CST7: variants seen among roughly 807,000 people sequenced by gnomAD.
The protein encoded by CST7 is cystatin F.
A neutral mutation model predicts 13.1 loss-of-function variants in CST7; 15 were observed. That is an observed-to-expected ratio of 1.14 (90% CI 0.77 to 1.76). The LOEUF is 1.76. Among genes scored for constraint, CST7 ranks in the 40% most tolerant of loss-of-function variants. The pLI is 0.00. For missense variants in CST7, 193 were observed against 178.8 expected, an observed-to-expected ratio of 1.08 and a Z score of -0.45; for synonymous variants, 75 against 66.9, an observed-to-expected ratio of 1.12 and a Z score of -0.59.
chr20:24,959,328 C>G (rs2087880534), intron 3 of CST7, among the ~76,000 whole-genome samples: 1 of 151,542 alleles, frequency 6.6e-6, no homozygotes, highest in Non-Finnish European at 1.5e-5. Context: ...GTAAGAAAAG[C>G]TTTCAAACAA....
rs370154317 is a variant in CST7, at chr20:24,957,470, G to C, written c.243+11G>C. ...AGGGCCCTAGTTCAGGTAACGGTCT[G>C]GGTTCTGGTCACATATCACGGACAC... On this transcript the variant is annotated intron_variant, in intron 2 of 3. Transcript: ENST00000480798. 4.1e-5 allele frequency: 66 copies of C among 1,612,542 alleles called. No individual in the cohort carries two copies. In the African/African-American group the frequency reaches 7.7e-4, roughly 19 times the overall value.
chr20:24,958,881 C>A, intron 2 of CST7, 47 bp from the exon 3 acceptor site: 2 of 1,396,356 alleles, frequency 1.4e-6, no homozygotes, highest in Non-Finnish European at 2.0e-6. Flanking sequence ...GAGAAGCCTG[C>A]CCTCCCTCCC....
At chr20:24,958,297 C>A (rs80115564) in intron 2 of CST7, among the ~76,000 whole-genome samples, 15,196 of 152,216 alleles carry the variant, frequency 0.1, 823 homozygotes, top group Middle Eastern at 0.2. Context: ...TGCAGGCCCT[C>A]CCTCCTTCTC....
At position 24,957,302 on chromosome 20, in the gene CST7, A is replaced by C. The variant is rs1172443798; in HGVS notation, c.86A>C (p.Asp29Ala). Residue 29 changes from aspartate (D) to alanine (A), a missense_variant, in exon 2 of 4, where the codon GAC (aspartate) becomes GCC (alanine). Asp to Ala is a moderately radical substitution (Grantham distance 126). Coordinates refer to ENST00000480798, the MANE Select transcript of CST7 (RefSeq NM_003650.4). ...GGPSPDTCSQ[D>A]LNSRVKPGFP... ...TCTCTTTCAGATACTTGTTCCCAGG[A>C]CCTTAACTCACGTGTGAAGCCAGGA... The C allele has an allele frequency of 6.2e-7, 1 of 1,613,208 alleles. No homozygotes were observed. Among genetic ancestry groups the C allele is most frequent in the Admixed American group, 1.7e-5 (1 of 59,914 alleles).
intron 2 of CST7, among the ~76,000 whole-genome samples, chr20:24,958,449 T>C (rs1371279580): frequency 1.3e-5 from 2 of 152,214 alleles, no homozygotes; most frequent in African/African-American, 2.4e-5. Context: ...GGAATTTTTC[T>C]TCAACTCCTC....
intron 3 of CST7, 31 bp downstream of exon 3, chr20:24,959,075 C>G: frequency 1.3e-6 from 2 of 1,487,432 alleles, no homozygotes; most frequent in Non-Finnish European, 9.4e-7. Flanking sequence ...CTCAGATGTG[C>G]CCTCTCTTCC....
chr20:24,954,236 C>T (rs1295395133), intron 1 of CST7, among the ~76,000 whole-genome samples: 1 of 152,236 alleles, frequency 6.6e-6, no homozygotes, highest in Non-Finnish European at 1.5e-5. Context: ...ACTCCAAGCT[C>T]TTGGTCTCCT....
chr20:24,952,773 C>T (rs1013775297), intron 1 of CST7, among the ~76,000 whole-genome samples: 6 of 152,240 alleles, frequency 3.9e-5, no homozygotes, highest in South Asian at 2.1e-4. Flanking sequence ...GCGTCCAGCT[C>T]TCGGCACCCA....
At chr20:24,953,637 C>T (rs752688792) in intron 1 of CST7, among the ~76,000 whole-genome samples, 4 of 152,130 alleles carry the variant, frequency 2.6e-5, no homozygotes, top group East Asian at 3.9e-4. Context: ...CCAGCTTCTA[C>T]GTCTGGAAGC....
At chr20:24,954,784 C>A (rs371245813) in intron 1 of CST7, among the ~76,000 whole-genome samples, 1 of 152,092 alleles carries the variant, frequency 6.6e-6, no homozygotes, top group Non-Finnish European at 1.5e-5. Context: ...TGAAGTTCAG[C>A]GTAAACTGAG....
In CST7 at chr20:24,955,543, G is replaced by A. The variant is rs775796156; in HGVS notation, c.71-1744G>A. ...CGGCTCACTGCAAGCTCCGCCTCCC[G>A]GGTTCACGCCATTCTCCTGCCTCAT... On this transcript the variant is annotated intron_variant, in intron 1 of 3. Coordinates refer to ENST00000480798, the MANE Select transcript of CST7 (RefSeq NM_003650.4). Among the ~76,000 whole-genome samples the A allele has an allele frequency of 2.0e-5, 3 of 149,398 alleles. No individual in the cohort carries two copies. In the Admixed American group the frequency reaches 2.0e-4, roughly 10 times the overall value.
intron 3 of CST7, 149 bp from the exon 4 acceptor site, chr20:24,959,486 G>T: frequency 1.5e-6 from 1 of 662,652 alleles, no homozygotes; most frequent in Non-Finnish European, 2.6e-6. Context: ...TTCTTAAATC[G>T]TTCTTTCAAG....
chr20:24,957,222 C>A, intron 1 of CST7, 65 bp from the exon 2 acceptor site: 2 of 1,519,430 alleles, frequency 1.3e-6, no homozygotes, highest in South Asian at 1.2e-5. Context: ...AGGCATGAGG[C>A]GTGACACCTG....
At chr20:24,956,456 A>G (rs974823711) in intron 1 of CST7, among the ~76,000 whole-genome samples, 2 of 152,204 alleles carry the variant, frequency 1.3e-5, no homozygotes, top group Non-Finnish European at 2.9e-5. Context: ...CCTCAGGCAC[A>G]GATACTAGGG....
chr20:24,955,568 T>G (rs1171432414), intron 1 of CST7, among the ~76,000 whole-genome samples: 1 of 150,154 alleles, frequency 6.7e-6, no homozygotes, highest in African/African-American at 2.4e-5. Context: ...TCCTGCCTCA[T>G]CCTCCCGAGT....
In CST7 at chr20:24,949,451, G is replaced by A. The variant is rs1251298790; in HGVS notation, c.-55G>A. 1 of 1,613,564 alleles carries A rather than the reference G, an allele frequency of 6.2e-7. No homozygotes were observed. Among genetic ancestry groups the A allele is most frequent in the African/African-American group, 1.3e-5 (1 of 74,928 alleles). On this transcript the variant is annotated 5_prime_UTR_variant, in exon 1 of 4. Coordinates refer to ENST00000480798, the MANE Select transcript of CST7 (RefSeq NM_003650.4). Reference sequence around the variant, plus strand: ...CCTCCAACTGCCCCATGCTGCCTGAGAAGGCACTGCACGGCCACCCCCAAC... The same window carrying A: ...CCTCCAACTGCCCCATGCTGCCTGAAAAGGCACTGCACGGCCACCCCCAAC...
chr20:24,954,670 T>C (rs2087842233), intron 1 of CST7, among the ~76,000 whole-genome samples: 2 of 152,230 alleles, frequency 1.3e-5, no homozygotes. Context: ...AGGAAACATG[T>C]AGTTAAATAA....
chr20:24,959,645 G>GCTA lies in CST7; in HGVS notation c.374_376dup (p.Tyr125dup). 1 of 1,614,138 alleles carries GCTA rather than the reference G, an allele frequency of 6.2e-7. No homozygotes were observed. The highest frequency in any genetic ancestry group is 2.2e-5 in the East Asian group (1 of 44,878). On this transcript the variant is annotated inframe_insertion, in exon 4 of 4. Coordinates refer to ENST00000480798, the MANE Select transcript of CST7 (RefSeq NM_003650.4). ...CCTTCTCTGTTTCAGACTCTGAGCT[G>GCTA]CTACTCTGAAGTCTGGGTCGTGCCC... is the stretch of plus-strand genomic sequence containing the variant.
rs544694516 is a variant in CST7 at position 24,959,157 on chromosome 20, C to T, written c.360+113C>T. ...TCTAACGCAGCGCCCCAAACCTCAC[C>T]CCTGAGGAAGCCAGGCCTCCCAGAC... On this transcript the variant is annotated intron_variant, in intron 3 of 3. Coordinates refer to ENST00000480798, the MANE Select transcript of CST7 (RefSeq NM_003650.4). 312 of 850,548 alleles carry T rather than the reference C, an allele frequency of 3.7e-4. 1 individual carries two copies. The highest frequency in any genetic ancestry group is 6.2e-4 in the South Asian group (40 of 64,222). 52.7% of individuals were successfully genotyped at this position (850,548 alleles called of 1,614,324 possible).
Sources: gnomAD v4.1 joint callset for allele counts (sites outside exome capture counted in the v4.1 genomes callset) on GRCh38, gnomAD v4.1.1 for gene constraint, MANE v1.5 for transcripts, NCBI Gene and HGNC (gene_info 2026-07-23, HGNC 2026-07-21) for gene names.